Variants in HIPK2 observed in about 807,000 individuals in gnomAD.
HIPK2 encodes homeodomain-interacting protein kinase 2.
Under a neutral mutation model 113.7 loss-of-function variants are expected in HIPK2, and 27 were observed. That is an observed-to-expected ratio of 0.24 (90% CI 0.17 to 0.33). The LOEUF is 0.33. Ranked by LOEUF, HIPK2 falls within the 10% of genes least tolerant of loss-of-function variation. The pLI is 1.00. For synonymous variants in HIPK2, 631 were observed against 642.2 expected, an observed-to-expected ratio of 0.98 and a Z score of 0.26; for missense variants, 1,257 against 1,588.0, an observed-to-expected ratio of 0.79 and a Z score of 3.54.
rs138069245 is a variant in HIPK2, at chr7:139,711,212, G to C, written c.1103+4720C>G. 5.1e-3 allele frequency among the ~76,000 whole-genome samples: 778 copies of C among 152,176 alleles called. 13 individuals are homozygous for C. The highest frequency in any genetic ancestry group is 0.018 in the African/African-American group (749 of 41,532). On this transcript the variant is annotated intron_variant, in intron 2 of 14. Transcript: ENST00000406875. ...GGAGGCCAAGGCAGGCGGATCACAA[G>C]GTCAGGAGATTGAGATCATCCTGGC...
rs535779774 is a variant in HIPK2 at position 139,646,651 on chromosome 7, C to T, written c.1104-14926G>A. The stretch of plus-strand genomic sequence containing the variant: ...GGACTCTCCTACAGTGCCTTTGGAA[C>T]GGAGCAACATTCAGCAAAAGAGATG... On this transcript the variant is annotated intron_variant, in intron 2 of 14. Coordinates refer to ENST00000406875, the MANE Select transcript of HIPK2 (RefSeq NM_022740.5). Among the ~76,000 whole-genome samples, 10 of 152,252 alleles carry T rather than the reference C, an allele frequency of 6.6e-5. No homozygotes were observed. In the East Asian group the frequency reaches 1.5e-3, roughly 23 times the overall value.
chr7:139,571,078 G>A lies in HIPK2; in HGVS notation c.*1849C>T, dbSNP rs776551535. On this transcript the variant is annotated 3_prime_UTR_variant, in exon 15 of 15. Coordinates refer to ENST00000406875, the MANE Select transcript of HIPK2 (RefSeq NM_022740.5). ...TTCCAAAGTGCAGCGTCAGACCCCC[G>A]GCCACCCTCATAAGTGTCCCTCCAA... The A allele has an allele frequency of 1.3e-5, 2 of 152,128 alleles. No homozygotes were observed. The highest frequency in any genetic ancestry group is 2.9e-5 in the Non-Finnish European group (2 of 68,062). The allele number at this position is 152,128 out of a possible 1,614,324, so 9.4% of individuals were successfully genotyped here.
intron 2 of HIPK2, among the ~76,000 whole-genome samples, chr7:139,690,418 G>C (rs1180800692): frequency 1.3e-5 from 2 of 152,138 alleles, no homozygotes; most frequent in Non-Finnish European, 2.9e-5. Flanking sequence ...TCCAGTGTTG[G>C]AGGTGGGAAC....
chr7:139,696,917 A>G (rs1794583930), intron 2 of HIPK2, among the ~76,000 whole-genome samples: 1 of 152,190 alleles, frequency 6.6e-6, no homozygotes, highest in South Asian at 2.1e-4. Context: ...ATAAGACAGC[A>G]TTATGATCCC....
intron 13 of HIPK2, among the ~76,000 whole-genome samples, chr7:139,579,800 A>G (rs997562611): frequency 6.6e-6 from 1 of 152,142 alleles, no homozygotes; most frequent in Admixed American, 6.5e-5. Context: ...CGCAAATCCA[A>G]CCGTGCATTT....
At chr7:139,753,800 A>G (rs1333665342) in intron 1 of HIPK2, among the ~76,000 whole-genome samples, 1 of 152,250 alleles carries the variant, frequency 6.6e-6, no homozygotes, top group Non-Finnish European at 1.5e-5. Context: ...CCCAGTACAC[A>G]TAGGCAGCAA....
At chr7:139,633,708 G>A (rs1800702178) in intron 2 of HIPK2, among the ~76,000 whole-genome samples, 1 of 151,956 alleles carries the variant, frequency 6.6e-6, no homozygotes, top group African/African-American at 2.4e-5. Context: ...ACTTTGGGAA[G>A]CCAAGGTGGG....
chr7:139,584,197 AC>A, intron 12 of HIPK2, 133 bp from the exon 13 acceptor site: 1 of 1,214,042 alleles, frequency 8.2e-7, no homozygotes, highest in Non-Finnish European at 1.1e-6. Flanking sequence ...GCCCTCCCTA[AC>A]CCCCATAGGG....
intron 2 of HIPK2, among the ~76,000 whole-genome samples, chr7:139,638,920 G>A (rs1460814587): frequency 6.6e-6 from 1 of 152,202 alleles, no homozygotes; most frequent in African/African-American, 2.4e-5. Flanking sequence ...GCCTCCCAAA[G>A]TGCTGGATTA....
At chr7:139,701,793 T>C (rs997581905) in intron 2 of HIPK2, among the ~76,000 whole-genome samples, 10 of 152,028 alleles carry the variant, frequency 6.6e-5, no homozygotes, top group African/African-American at 2.4e-4. Context: ...AGCACTTGAG[T>C]TTCACAAGGG....
At position 139,568,964 on chromosome 7, in the gene HIPK2, TTTC is replaced by T. The variant is rs1798176485; in HGVS notation, c.*3960_*3962del. The T allele has an allele frequency of 6.6e-6, 1 of 152,518 alleles. No homozygotes were observed. Among genetic ancestry groups the T allele is most frequent in the African/African-American group, 2.4e-5 (1 of 41,468 alleles). The allele number at this position is 152,518 out of a possible 1,614,324, so 9.4% of individuals were successfully genotyped here. ...TCGGTGAAGCTGGCTATTTCACCCC[TTTC>T]TTCAACTGGGGCCTAGCACTTTGTG... is the stretch of plus-strand genomic sequence containing the variant. On this transcript the variant is annotated 3_prime_UTR_variant, in exon 15 of 15. Transcript: ENST00000406875.
In HIPK2 at chr7:139,562,907, G is replaced by GA. The variant is rs752709744; in HGVS notation, c.*10019dup. ...TCTATACAGTGATTCTACTAAATTA[G>GA]AAATTCTGCTGCCCCAAAGTATGAC... On this transcript the variant is annotated 3_prime_UTR_variant, in exon 15 of 15. Transcript: ENST00000406875. 44 of 152,340 alleles carry GA rather than the reference G, an allele frequency of 2.9e-4. No homozygotes were observed. Among genetic ancestry groups the GA allele is most frequent in the Non-Finnish European group, 5.6e-4 (38 of 68,036 alleles). The allele number at this position is 152,340 out of a possible 1,614,324, so 9.4% of individuals were successfully genotyped here.
Position 139,596,994 on chromosome 7 carries a change from C to T in HIPK2, c.2440G>A (p.Val814Ile). The change falls in exon 12 of 15, where the codon GTC becomes ATC. Residue 814 changes from valine (V) to isoleucine (I), a missense_variant. Transcript: ENST00000406875. Reference sequence around the variant, plus strand: ...GAGGAGGACACCTCACAGGTGGAGACATTTCTGTAATGAGAAAACCACACT... The same window carrying T: ...GAGGAGGACACCTCACAGGTGGAGATATTTCTGTAATGAGAAAACCACACT... ...SKQHQSSVRN[V>I]STCEVSSSQA... The T allele has an allele frequency of 2.5e-6, 4 of 1,589,466 alleles. No individual in the cohort carries two copies. Among genetic ancestry groups the T allele is most frequent in the South Asian group, 1.1e-5 (1 of 90,408 alleles).
rs570936756 is a variant in HIPK2 at position 139,588,698 on chromosome 7, A to G, written c.2718-4634T>C. 9.3e-4 allele frequency among the ~76,000 whole-genome samples: 142 copies of G among 152,246 alleles called. 4 individuals are homozygous for G. The South Asian group carries it at 0.028, about 30-fold the overall frequency. On this transcript the variant is annotated intron_variant, in intron 12 of 14. Transcript: ENST00000406875. ...AGGCTGAGGACGAGGAGGGAGCAGG[A>G]GGGAAGGAGAGCTGCCTTAAGAAGA...
Position 139,565,191 on chromosome 7 carries a change from T to C in HIPK2, c.*7736A>G, listed in dbSNP as rs1798056248. ...CACAGTTTGTGTAAGATAATGTATC[T>C]AAAACCTTCTAAAAAAAAAAAAAAT... On this transcript the variant is annotated 3_prime_UTR_variant, in exon 15 of 15. Transcript: ENST00000406875. The C allele has an allele frequency of 1.3e-5, 2 of 151,178 alleles. No homozygotes were observed. The highest frequency in any genetic ancestry group is 4.2e-4 in the South Asian group (2 of 4,794). The allele number at this position is 151,178 out of a possible 1,614,324, so 9.4% of individuals were successfully genotyped here.
intron 1 of HIPK2, among the ~76,000 whole-genome samples, chr7:139,721,162 C>T (rs1421385919): frequency 6.6e-6 from 1 of 152,212 alleles, no homozygotes; most frequent in Non-Finnish European, 1.5e-5. Flanking sequence ...GGACCCAACG[C>T]TCAGTGCAGA....
chr7:139,583,159 T>A (rs1248537837), intron 13 of HIPK2, among the ~76,000 whole-genome samples: 1 of 152,256 alleles, frequency 6.6e-6, no homozygotes, highest in African/African-American at 2.4e-5. Flanking sequence ...ACTGTGAGCA[T>A]GAGCAAGGGA....
At position 139,629,014 on chromosome 7, in the gene HIPK2, G is replaced by C; in HGVS notation, c.1373C>G (p.Thr458Arg). The C allele has an allele frequency of 6.3e-7, 1 of 1,593,482 alleles. No homozygotes were observed. Among genetic ancestry groups the C allele is most frequent in the Admixed American group, 1.7e-5 (1 of 57,376 alleles). Reference sequence around the variant, plus strand: ...TCTTGCTTCTTTTGACTTAATCCCTGTCTCTGCTTCATGGTCATCTGGTGT... The same window carrying C: ...TCTTGCTTCTTTTGACTTAATCCCTCTCTCTGCTTCATGGTCATCTGGTGT... Reference protein sequence around the residue: ...LKTPDDHEAETGIKSKEARKY... With the variant: ...LKTPDDHEAERGIKSKEARKY... The change falls in exon 5 of 15, where the codon ACA (threonine) becomes AGA (arginine). Residue 458 changes from threonine to arginine, a missense_variant. Thr to Arg is a moderately conservative substitution (Grantham distance 71). Around this residue, in one of 5 missense-constraint regions of HIPK2, gnomAD observed 862 missense variants for 1,004.3 expected, o/e 0.86. Coordinates refer to ENST00000406875, the MANE Select transcript of HIPK2 (RefSeq NM_022740.5).
At chr7:139,663,283 C>T (rs1801929535) in intron 2 of HIPK2, among the ~76,000 whole-genome samples, 1 of 152,194 alleles carries the variant, frequency 6.6e-6, no homozygotes, top group Non-Finnish European at 1.5e-5. Context: ...TCACAGAAGC[C>T]TTACTTGGAA....
Sources: gnomAD v4.1 joint callset for allele counts (sites outside exome capture counted in the v4.1 genomes callset) on GRCh38, gnomAD v4.1.1 for gene constraint, gnomAD v4.1.1 regional missense constraint, MANE v1.5 for transcripts, NCBI Gene and HGNC (gene_info 2026-07-23, HGNC 2026-07-21) for gene names.